Variants in BBS9 observed in about 807,000 individuals in gnomAD.
BBS9 encodes the protein Bardet-Biedl syndrome 9, also known as protein PTHB1.
In BBS9, 89 loss-of-function variants were observed where a neutral mutation model predicts 117.7. The observed-to-expected ratio is 0.76, with a 90% CI of 0.64 to 0.90. The LOEUF is 0.90. Ranked by LOEUF, BBS9 falls within the 40% of genes least tolerant of loss-of-function variation. BBS9 has a pLI of 0.00. For synonymous variants in BBS9, 379 were observed against 370.9 expected (o/e 1.02, Z -0.25); for missense variants, 982 against 1,042.2 (o/e 0.94, Z 0.80).
chr7:33,141,305 C>T (rs1713422983), intron 1 of BBS9, among the ~76,000 whole-genome samples: 1 of 152,164 alleles, frequency 6.6e-6, no homozygotes, highest in Middle Eastern at 3.4e-3. Flanking sequence ...GTCTGTAATC[C>T]CAGCTACTTG....
intron 17 of BBS9, among the ~76,000 whole-genome samples, chr7:33,376,502 A>G (rs1433869655): frequency 6.6e-6 from 1 of 152,228 alleles, no homozygotes. Flanking sequence ...TACAATGAGC[A>G]TATGAGTGCA....
At chr7:33,319,216 G>A (rs1811181270) in intron 9 of BBS9, among the ~76,000 whole-genome samples, 1 of 151,578 alleles carries the variant, frequency 6.6e-6, no homozygotes, top group Admixed American at 6.6e-5. Context: ...TGCTGCAAAT[G>A]CCATTAATTC....
intron 6 of BBS9, among the ~76,000 whole-genome samples, chr7:33,258,318 A>G (rs1005945265): frequency 1.3e-5 from 2 of 152,318 alleles, no homozygotes; most frequent in African/African-American, 4.8e-5. Context: ...TAAATTCATC[A>G]GGCAACAGAT....
At chr7:33,361,875 C>G (rs577922065) in intron 16 of BBS9, among the ~76,000 whole-genome samples, 1 of 152,104 alleles carries the variant, frequency 6.6e-6, no homozygotes, top group South Asian at 2.1e-4. Flanking sequence ...TATTTTTGTG[C>G]TTTTAAAAAA....
chr7:33,334,051 T>TGAAATACCAGTAAAAAGTGTTTTTAGA (rs1189106707), intron 9 of BBS9, among the ~76,000 whole-genome samples: 1 of 152,188 alleles, frequency 6.6e-6, no homozygotes, highest in Non-Finnish European at 1.5e-5. Context: ...CTTGAACACG[T>TGAAATACCAGTAAAAAGTGTTTTTAGA]GAAATACCAG....
chr7:33,506,723 T>TA (rs1047927329), intron 20 of BBS9, among the ~76,000 whole-genome samples: 20 of 152,210 alleles, frequency 1.3e-4, no homozygotes, highest in African/African-American at 4.8e-4. Context: ...GATTTTTTTT[T>TA]AAAAAAGAAG....
intron 20 of BBS9, 122 bp from the exon 21 acceptor site, chr7:33,533,832 C>T (rs1850950527): frequency 6.0e-6 from 7 of 1,173,646 alleles, no homozygotes; most frequent in Non-Finnish European, 8.8e-6. Context: ...ATTCCAGATA[C>T]CACACTCTTC....
chr7:33,163,014 A>C (rs1226607279), intron 4 of BBS9, among the ~76,000 whole-genome samples: 1 of 152,142 alleles, frequency 6.6e-6, no homozygotes, highest in Non-Finnish European at 1.5e-5. Flanking sequence ...ATCAATACCT[A>C]GTTTATTGAG....
intron 19 of BBS9, among the ~76,000 whole-genome samples, chr7:33,468,325 A>G (rs1455301657): frequency 6.6e-6 from 1 of 152,098 alleles, no homozygotes; most frequent in Non-Finnish European, 1.5e-5. Flanking sequence ...ATGAAGGCTG[A>G]CCCTATTACA....
intron 19 of BBS9, among the ~76,000 whole-genome samples, chr7:33,476,850 T>A (rs1316350854): frequency 6.6e-6 from 1 of 152,248 alleles, no homozygotes; most frequent in African/African-American, 2.4e-5. Flanking sequence ...AAATTAAGTA[T>A]GTATATAGAT....
At chr7:33,453,541 G>A (rs1158012491) in intron 19 of BBS9, among the ~76,000 whole-genome samples, 1 of 146,108 alleles carries the variant, frequency 6.8e-6, no homozygotes, top group Non-Finnish European at 1.5e-5. Flanking sequence ...TTTTTTCTGA[G>A]ATGGAGTTTT....
intron 19 of BBS9, among the ~76,000 whole-genome samples, chr7:33,395,696 A>T (rs951476575): frequency 1.3e-5 from 2 of 152,130 alleles, no homozygotes; most frequent in Non-Finnish European, 2.9e-5. Context: ...CTTTTTCTGT[A>T]CTTTAAACTT....
chr7:33,463,095 G>A (rs1350108562), intron 19 of BBS9, among the ~76,000 whole-genome samples: 1 of 152,066 alleles, frequency 6.6e-6, no homozygotes. Flanking sequence ...CCTGTAGTTT[G>A]ATGAGATTTG....
At chr7:33,616,436 C>T (rs1262184997) in intron 21 of BBS9, among the ~76,000 whole-genome samples, 1 of 146,200 alleles carries the variant, frequency 6.8e-6, no homozygotes, top group Non-Finnish European at 1.5e-5. Context: ...ACTAGGGCAA[C>T]CTCTAAAAAG....
At chr7:33,612,014 A>G (rs1864906112) in intron 21 of BBS9, among the ~76,000 whole-genome samples, 1 of 151,226 alleles carries the variant, frequency 6.6e-6, no homozygotes, top group South Asian at 2.1e-4. Context: ...ATTGGTCCCT[A>G]CAGTGGCACT....
intron 21 of BBS9, among the ~76,000 whole-genome samples, chr7:33,595,480 A>G (rs759477216): frequency 2.6e-5 from 4 of 152,224 alleles, no homozygotes; most frequent in Non-Finnish European, 5.9e-5. Context: ...CAAAACTACA[A>G]TGAGATACCA....
intron 6 of BBS9, among the ~76,000 whole-genome samples, chr7:33,262,126 T>C (rs1798071818): frequency 6.6e-6 from 1 of 152,150 alleles, no homozygotes; most frequent in African/African-American, 2.4e-5. Flanking sequence ...TACTGTCAAG[T>C]TTAAGTAATA....
At position 33,139,472 on chromosome 7, in the gene BBS9, TCA is replaced by T. The variant is rs1453701886; in HGVS notation, c.-11-6767_-11-6766del. Reference sequence around the variant, plus strand: ...TAGCAAGCTGAAAAAATTTATTGACTCACAGGTTTTTAAGGCCATTTTCATAG... The same window carrying T: ...TAGCAAGCTGAAAAAATTTATTGACTCAGGTTTTTAAGGCCATTTTCATAG... On this transcript the variant is annotated intron_variant, in intron 1 of 22. Coordinates refer to ENST00000242067, the MANE Select transcript of BBS9 (RefSeq NM_198428.3). Among the ~76,000 whole-genome samples the T allele has an allele frequency of 2.6e-5, 4 of 151,036 alleles. 1 individual carries two copies. In the East Asian group the frequency reaches 8.9e-4, roughly 34 times the overall value.
chr7:33,589,719 T>C (rs182961117), intron 21 of BBS9, among the ~76,000 whole-genome samples: 238 of 151,982 alleles, frequency 1.6e-3, no homozygotes, highest in Admixed American at 4.5e-3. Context: ...TTGGGACATG[T>C]TGAGTTTGAG....
Sources: gnomAD v4.1 joint callset for allele counts (sites outside exome capture counted in the v4.1 genomes callset) on GRCh38, gnomAD v4.1.1 for gene constraint, MANE v1.5 for transcripts, NCBI Gene and HGNC (gene_info 2026-07-23, HGNC 2026-07-21) for gene names.